The following PRDM11 variants were observed in gnomAD, a reference collection of about 807,000 sequenced individuals.
PRDM11 encodes PR/SET domain 11.
A neutral mutation model predicts 97.8 loss-of-function variants in PRDM11; 20 were observed. The ratio of observed to expected loss-of-function variants is 0.20; its 90% CI spans 0.14 to 0.30. The LOEUF is 0.30. PRDM11 is among the 10% of genes least tolerant of loss of function. The pLI, the probability that PRDM11 is intolerant of heterozygous loss-of-function variation, is 1.00. For missense variants in PRDM11, 1,139 were observed against 1,555.2 expected (o/e 0.73, Z 4.50); for synonymous variants, 599 against 637.7 (o/e 0.94, Z 0.91).
At chr11:45,125,646 G>A (rs151161109) in intron 1 of PRDM11, among the ~76,000 whole-genome samples, 65,968 of 151,878 alleles carry the variant, frequency 0.43, 17,254 homozygotes, top group Non-Finnish European at 0.58. Flanking sequence ...GTAGTTGAGC[G>A]GTTTTGAGTG....
intron 1 of PRDM11, among the ~76,000 whole-genome samples, chr11:45,140,598 C>T (rs1314205461): frequency 1.3e-5 from 2 of 152,128 alleles, no homozygotes; most frequent in African/African-American, 2.4e-5. Context: ...GCAGTGGCAG[C>T]CCTTTTTGTT....
chr11:45,103,673 T>C (rs1295554006), intron 1 of PRDM11, among the ~76,000 whole-genome samples: 10 of 150,660 alleles, frequency 6.6e-5, no homozygotes, highest in Admixed American at 5.3e-4. Flanking sequence ...CATTGAGTTG[T>C]ACACAAAGTT....
At chr11:45,185,430 A>T (rs903297540) in intron 4 of PRDM11, among the ~76,000 whole-genome samples, 17 of 152,198 alleles carry the variant, frequency 1.1e-4, no homozygotes, top group Non-Finnish European at 2.2e-4. Flanking sequence ...AGGCATAGTC[A>T]TTTCCTAGAA....
chr11:45,097,605 C>T (rs1171863131), intron 1 of PRDM11, among the ~76,000 whole-genome samples: 2 of 152,212 alleles, frequency 1.3e-5, no homozygotes, highest in Non-Finnish European at 2.9e-5. Context: ...CTACTGCACA[C>T]ATAGAATCAG....
rs540464893 is a variant in PRDM11, at chr11:45,212,891, G to C, written c.555-6679G>C. On this transcript the variant is annotated intron_variant, in intron 5 of 7. Coordinates refer to ENST00000683152, the MANE Select transcript of PRDM11 (RefSeq NM_001384648.1). ...GACAGAGATCCGGGATGGGGTTCAG[G>C]CATCTCAGCGGGGGCCAGAAGGGGC... 1.9e-4 allele frequency: 83 copies of C among 426,120 alleles called. 2 individuals carry two copies. The highest frequency in any genetic ancestry group is 9.6e-4 in the South Asian group (56 of 58,350). The allele number at this position is 426,120 out of a possible 1,614,324, so 26.4% of individuals were successfully genotyped here. A position where few individuals can be genotyped will look rare whatever the true frequency, so the allele number is the denominator to read the frequency against.
intron 1 of PRDM11, among the ~76,000 whole-genome samples, chr11:45,107,507 G>T (rs902546959): frequency 1.1e-4 from 16 of 152,210 alleles, no homozygotes; most frequent in African/African-American, 3.9e-4. Context: ...AATGTCAAAT[G>T]TGGACAACTG....
At chr11:45,194,974 A>T (rs552164510) in intron 4 of PRDM11, among the ~76,000 whole-genome samples, 10 of 152,030 alleles carry the variant, frequency 6.6e-5, no homozygotes, top group Non-Finnish European at 1.5e-4. Context: ...TATACAGGTC[A>T]TTTATGGGGC....
intron 1 of PRDM11, among the ~76,000 whole-genome samples, chr11:45,128,525 C>T (rs545228479): frequency 3.1e-4 from 41 of 132,526 alleles, no homozygotes; most frequent in African/African-American, 1.1e-3. Context: ...CCGCTGATAT[C>T]ATGGTATTAA....
intron 1 of PRDM11, among the ~76,000 whole-genome samples, chr11:45,122,123 T>C (rs1852442779): frequency 6.6e-6 from 1 of 150,634 alleles, no homozygotes; most frequent in Non-Finnish European, 1.5e-5. Context: ...TGAGCAAAGA[T>C]AAAAGTTAGG....
intron 1 of PRDM11, among the ~76,000 whole-genome samples, chr11:45,117,914 G>A (rs1852339323): frequency 6.6e-6 from 1 of 152,124 alleles, no homozygotes. Context: ...GGTCTCTAAG[G>A]CCAACATTAA....
intron 1 of PRDM11, among the ~76,000 whole-genome samples, chr11:45,120,440 C>T (rs1055007828): frequency 6.6e-6 from 1 of 151,852 alleles, no homozygotes; most frequent in Non-Finnish European, 1.5e-5. Flanking sequence ...TGCTGAAAGA[C>T]AAAGACAAAG....
At chr11:45,160,832 G>C (rs929916314) in intron 1 of PRDM11, among the ~76,000 whole-genome samples, 4 of 152,184 alleles carry the variant, frequency 2.6e-5, no homozygotes, top group Non-Finnish European at 1.5e-5. Context: ...ACTATTGCTG[G>C]TTCTCCATTT....
At chr11:45,126,452 C>T (rs1176023735) in intron 1 of PRDM11, among the ~76,000 whole-genome samples, 2 of 152,114 alleles carry the variant, frequency 1.3e-5, no homozygotes, top group East Asian at 1.9e-4. Flanking sequence ...TACAATTTGG[C>T]ATGGTTTTGC....
chr11:45,155,864 G>C (rs557840639), intron 1 of PRDM11, among the ~76,000 whole-genome samples: 1 of 152,002 alleles, frequency 6.6e-6, no homozygotes, highest in African/African-American at 2.4e-5. Context: ...AAACATCAGC[G>C]ACAGCCGAGC....
At chr11:45,152,465 T>C (rs1851683127) in intron 1 of PRDM11, among the ~76,000 whole-genome samples, 1 of 152,224 alleles carries the variant, frequency 6.6e-6, no homozygotes. Context: ...CCATGCCCCA[T>C]GTTTTACTTT....
intron 1 of PRDM11, among the ~76,000 whole-genome samples, chr11:45,127,336 T>G (rs1159484654): frequency 6.6e-6 from 1 of 151,708 alleles, no homozygotes; most frequent in Non-Finnish European, 1.5e-5. Context: ...TCTCCCAACT[T>G]GTCAAAGTCA....
rs1260827755 is a variant in PRDM11, at chr11:45,233,362, C to G, written c.*5203C>G. Reference sequence around the variant, plus strand: ...TTCTCTCCTTTTCCACAGGCTTGGTCTGAGGTTGGAAGGAGATACCCCCTG... The same window carrying G: ...TTCTCTCCTTTTCCACAGGCTTGGTGTGAGGTTGGAAGGAGATACCCCCTG... On this transcript the variant is annotated 3_prime_UTR_variant, in exon 8 of 8. Coordinates refer to ENST00000683152, the MANE Select transcript of PRDM11 (RefSeq NM_001384648.1). 6.6e-6 allele frequency: 1 copy of G among 152,268 alleles called. No homozygotes were observed. Among genetic ancestry groups the G allele is most frequent in the African/African-American group, 2.4e-5 (1 of 41,436 alleles). The allele number at this position is 152,268 out of a possible 1,614,324, so 9.4% of individuals were successfully genotyped here.
upstream of PRDM11, among the ~76,000 whole-genome samples, chr11:45,146,471 C>A (rs1851510616): frequency 6.6e-6 from 1 of 152,134 alleles, no homozygotes; most frequent in Non-Finnish European, 1.5e-5. Context: ...CTCCCTCTCC[C>A]TTTGGGTTTG....
intron 6 of PRDM11, among the ~76,000 whole-genome samples, chr11:45,223,098 T>C (rs1854163665): frequency 6.6e-6 from 1 of 152,210 alleles, no homozygotes; most frequent in African/African-American, 2.4e-5. Context: ...GGCAGATGGC[T>C]TGAGCCTAGG....
Sources: allele counts gnomAD v4.1 joint callset (sites outside exome capture counted in the v4.1 genomes callset), GRCh38; gene constraint gnomAD v4.1.1; transcripts MANE v1.5; gene names NCBI Gene and HGNC (gene_info 2026-07-23, HGNC 2026-07-21).